Variants in CR2 observed in about 807,000 individuals in gnomAD.
The protein encoded by CR2 is complement receptor type 2.
A neutral mutation model predicts 123.0 loss-of-function variants in CR2; 96 were observed. The ratio of observed to expected loss-of-function variants is 0.78; its 90% confidence interval spans 0.66 to 0.93. The LOEUF (loss-of-function observed/expected upper bound fraction) is 0.93. Among genes scored for constraint, CR2 ranks in the 40% least tolerant of loss-of-function variants. The pLI is 0.00. For synonymous variants in CR2, 484 were observed against 469.5 expected, an observed-to-expected ratio of 1.03 and a Z score of -0.40; for missense variants, 1,258 against 1,361.0, an observed-to-expected ratio of 0.92 and a Z score of 1.19.
Position 207,469,147 on chromosome 1 carries a change from C to T in CR2, c.735-3C>T. ...GTTCTGAATGACAACCTTCTGTCTC[C>T]AGGTATCGACTGCAAGGCCCACCTT... On this transcript the variant is annotated splice_polypyrimidine_tract_variant and splice_region_variant and intron_variant, in intron 4 of 19. Transcript: ENST00000367057. 1.2e-6 allele frequency: 2 copies of T among 1,613,522 alleles called. No homozygotes were observed. The highest frequency in any genetic ancestry group is 1.7e-6 in the Non-Finnish European group (2 of 1,179,486).
At chr1:207,487,196 G>A (rs1251823620) in intron 19 of CR2, among the ~76,000 whole-genome samples, 1 of 152,180 alleles carries the variant, frequency 6.6e-6, no homozygotes, top group Non-Finnish European at 1.5e-5. Context: ...AGAATTTTAG[G>A]GAGGAGGGAG....
rs765551048 is a variant in CR2 at position 207,480,053 on chromosome 1, G to A, written c.3188G>A (p.Arg1063His). Residue 1063 changes from arginine (R) to histidine (H), a missense_variant and splice_region_variant, in exon 18 of 20, where the codon CGC becomes CAC. Physicochemically the swap from Arg to His is conservative, Grantham distance 29. Transcript: ENST00000367057. ...TACGTGATATCAAAACACAGAGCACGGTAAGTTCAAAGGCGAATACTTGAT... is the reference window on the plus strand; with the variant it reads ...TACGTGATATCAAAACACAGAGCACAGTAAGTTCAAAGGCGAATACTTGAT... ...TLYVISKHRA[R>H]NYYTDTSQKE... 1.4e-5 allele frequency: 22 copies of A among 1,607,602 alleles called. No homozygotes were observed. The highest frequency in any genetic ancestry group is 2.2e-5 in the East Asian group (1 of 44,830).
intron 14 of CR2, 106 bp downstream of exon 14, chr1:207,475,322 A>G (rs2102307907): frequency 2.4e-6 from 3 of 1,230,534 alleles, no homozygotes; most frequent in Non-Finnish European, 3.4e-6. Context: ...TCTAAGAGCT[A>G]AGGCAGTTAT....
chr1:207,475,231 AG>A lies in CR2; in HGVS notation c.2716+18del, dbSNP rs1344570731. 1 of 1,613,658 alleles carries A rather than the reference AG, an allele frequency of 6.2e-7. No individual in the cohort carries two copies. The highest frequency in any genetic ancestry group is 1.3e-5 in the African/African-American group (1 of 74,914). ...TATCAAAAAAGGTAAGATACTTGGA[AG>A]GGATAAGTTATGGGATGTTGTACAG... On this transcript the variant is annotated intron_variant, in intron 14 of 19. Coordinates refer to ENST00000367057, the MANE Select transcript of CR2 (RefSeq NM_001006658.3).
rs1260586997 is a variant in CR2, at chr1:207,474,278, G to A, written c.2278G>A (p.Asp760Asn). 34 of 1,613,466 alleles carry A rather than the reference G, an allele frequency of 2.1e-5. No homozygotes were observed. In the East Asian group the frequency reaches 7.6e-4, roughly 36 times the overall value. The change falls in exon 13 of 20, where the codon GAT becomes AAT. Residue 760 changes from aspartate (D) to asparagine (N), a missense_variant. By Grantham distance (23) the Asp-to-Asn change is conservative (BLOSUM62 1). Coordinates refer to ENST00000367057, the MANE Select transcript of CR2 (RefSeq NM_001006658.3). ...TGGACATGCTTATCAGATGTGTCAA[G>A]ATGCTGAAAATGGAATTTGGTTCAA... is the stretch of plus-strand genomic sequence containing the variant. ...LTGHAYQMCQDAENGIWFKKI... is the reference protein window; with the variant it reads ...LTGHAYQMCQNAENGIWFKKI...
Position 207,469,775 on chromosome 1 carries a change from A to G in CR2, c.898A>G (p.Ile300Val), listed in dbSNP as rs374076318. The G allele has an allele frequency of 6.1e-5, 98 of 1,614,022 alleles. No individual in the cohort carries two copies. Among genetic ancestry groups the G allele is most frequent in the Admixed American group, 1.0e-4 (6 of 60,002 alleles). ...NSLANVSYGS[I>V]VTYTCDPDPE... is the part of the protein sequence containing the mutation. ...ACTAGCAAATGTCTCATATGGAAGC[A>G]TAGTCACTTACACTTGTGACCCGGA... is the stretch of plus-strand genomic sequence containing the variant. Residue 300 changes from isoleucine to valine, a missense_variant, in exon 6 of 20, where the codon ATA becomes GTA. Physicochemically the swap from Ile to Val is conservative, Grantham distance 29. Transcript: ENST00000367057.
Position 207,474,269 on chromosome 1 carries a change from A to T in CR2, c.2269A>T (p.Met757Leu), listed in dbSNP as rs747757249. The T allele has an allele frequency of 6.2e-7, 1 of 1,613,566 alleles. No individual in the cohort carries two copies. Residue 757 changes from methionine (M) to leucine (L), a missense_variant, in exon 13 of 20, where the codon ATG becomes TTG. By Grantham distance (15) the Met-to-Leu change is conservative. Transcript: ENST00000367057. ...CCAGTTGACTGGACATGCTTATCAG[A>T]TGTGTCAAGATGCTGAAAATGGAAT... ...GYQLTGHAYQ[M>L]CQDAENGIWF...
At chr1:207,481,087 C>T (rs1658590782) in intron 18 of CR2, among the ~76,000 whole-genome samples, 1 of 151,842 alleles carries the variant, frequency 6.6e-6, no homozygotes, top group South Asian at 2.1e-4. Flanking sequence ...AACTATATTA[C>T]TACGTTTCTA....
intron 19 of CR2, among the ~76,000 whole-genome samples, chr1:207,486,187 C>T (rs1486140067): frequency 3.6e-5 from 5 of 139,460 alleles, no homozygotes; most frequent in Non-Finnish European, 6.0e-5. Flanking sequence ...GCCAAGACTG[C>T]GCCACTGTAC....
rs777919823 is a variant in CR2 at position 207,469,941 on chromosome 1, A to T, written c.1064A>T (p.Gln355Leu). Reference sequence around the variant, plus strand: ...TCTGCGGTTCAGTGTCCACATCCCCAGATCCTAAGAGGCCGAATGGTATCT... The same window carrying T: ...TCTGCGGTTCAGTGTCCACATCCCCTGATCCTAAGAGGCCGAATGGTATCT... ...STSAVQCPHP[Q>L]ILRGRMVSGQ... The change falls in exon 6 of 20, where the codon CAG (glutamine) becomes CTG (leucine). Residue 355 changes from glutamine (Q) to leucine (L), a missense_variant. By Grantham distance (113) the Gln-to-Leu change is moderately radical (BLOSUM62 -2). Transcript: ENST00000367057. The T allele has an allele frequency of 6.2e-7, 1 of 1,614,004 alleles. No homozygotes were observed. The highest frequency in any genetic ancestry group is 2.2e-5 in the East Asian group (1 of 44,872).
At chr1:207,459,417 A>C (rs1657914303) in intron 1 of CR2, among the ~76,000 whole-genome samples, 1 of 152,036 alleles carries the variant, frequency 6.6e-6, no homozygotes, top group Non-Finnish European at 1.5e-5. Flanking sequence ...GAAACCCAGT[A>C]TTAAGGTATT....
At chr1:207,471,607 TC>T in intron 9 of CR2, 108 bp downstream of exon 9, 1 of 803,246 alleles carries the variant, frequency 1.2e-6, no homozygotes, top group Non-Finnish European at 2.2e-6. Context: ...TAGATTCTGT[TC>T]TATTGATTCT....
In CR2 at chr1:207,469,698, T is replaced by C; in HGVS notation, c.821T>C (p.Ile274Thr). 6.2e-7 allele frequency: 1 copy of C among 1,613,594 alleles called. No homozygotes were observed. ...TTTCTTTCTGCAATTCCCCTAGAAA[T>C]TTTTTGCCCATCACCTCCCCCTATT... Reference protein sequence around the residue: ...AWTKMPVCEEIFCPSPPPILN... With the variant: ...AWTKMPVCEETFCPSPPPILN... The change falls in exon 6 of 20, where the codon ATT becomes ACT. Residue 274 changes from isoleucine to threonine, a missense_variant. Coordinates refer to ENST00000367057, the MANE Select transcript of CR2 (RefSeq NM_001006658.3).
intron 19 of CR2, among the ~76,000 whole-genome samples, chr1:207,488,363 C>T (rs561792459): frequency 6.6e-6 from 1 of 152,296 alleles, no homozygotes; most frequent in South Asian, 2.1e-4. Flanking sequence ...TGGTGGCTCA[C>T]GTCTGTAAAC....
At chr1:207,474,516 T>A (rs1658380166) in intron 13 of CR2, among the ~76,000 whole-genome samples, 193 bp downstream of exon 13, 1 of 152,198 alleles carries the variant, frequency 6.6e-6, no homozygotes, top group Non-Finnish European at 1.5e-5. Context: ...CTGTTTTTCA[T>A]GCATCTGCTA....
chr1:207,471,897 C>A, intron 9 of CR2: 1 of 290,504 alleles, frequency 3.4e-6, no homozygotes, highest in Non-Finnish European at 6.7e-6. Flanking sequence ...GAAACTCTAG[C>A]CTTTCTTCTG....
At position 207,466,755 on chromosome 1, in the gene CR2, A is replaced by G. The variant is rs1658111431; in HGVS notation, c.288A>G (p.Val96=). 1 of 1,613,824 alleles carries G rather than the reference A, an allele frequency of 6.2e-7. No individual in the cohort carries two copies. The highest frequency in any genetic ancestry group is 1.3e-5 in the African/African-American group (1 of 74,822). ...ATTCTTCTTGCCCTGAGCCCATAGT[A>G]CCAGGAGGATACAAAATTAGAGGCT... is the stretch of plus-strand genomic sequence containing the variant. ...NKYSSCPEPI[V]PGGYKIRGST... The change falls in exon 2 of 20, where the codon GTA becomes GTG. Residue 96 remains valine (V), a synonymous_variant. Transcript: ENST00000367057.
chr1:207,486,779 G>A lies in CR2; in HGVS notation c.*18+1207G>A, dbSNP rs77625332. ...GGAAGAGAGCTGTCAATAATGACACGAGGGCTTTTGCCTAAGCAACTGGAA... is the reference window on the plus strand; with the variant it reads ...GGAAGAGAGCTGTCAATAATGACACAAGGGCTTTTGCCTAAGCAACTGGAA... On this transcript the variant is annotated intron_variant, in intron 19 of 19. Coordinates refer to ENST00000367057, the MANE Select transcript of CR2 (RefSeq NM_001006658.3). Among the ~76,000 whole-genome samples, 948 of 152,308 alleles carry A rather than the reference G, an allele frequency of 6.2e-3. 10 individuals are homozygous for A. The highest frequency in any genetic ancestry group is 0.022 in the African/African-American group (901 of 41,568).
rs1016189585 is a variant in CR2, at chr1:207,454,538, C to T, written c.58+62C>T. On this transcript the variant is annotated intron_variant, in intron 1 of 19. Coordinates refer to ENST00000367057, the MANE Select transcript of CR2 (RefSeq NM_001006658.3). This position sits in a 1 kb window ranked among gnomAD's most constrained non-coding sequence, Gnocchi z 4.3. ...TCCCGGGCAGGGAAAGTTTCTGTGC[C>T]GCGATGCAAAGCAGGGGGCCAAAAG... is the stretch of plus-strand genomic sequence containing the variant. 1.5e-6 allele frequency: 2 copies of T among 1,297,202 alleles called. No homozygotes were observed. Among genetic ancestry groups the T allele is most frequent in the Admixed American group, 2.3e-5 (1 of 43,670 alleles). 80.4% of individuals were successfully genotyped at this position (1,297,202 alleles called of 1,614,324 possible). A position where few individuals can be genotyped will look rare whatever the true frequency, so the allele number is the denominator to read the frequency against.
Sources: allele counts gnomAD v4.1 joint callset (sites outside exome capture counted in the v4.1 genomes callset), GRCh38; gene constraint gnomAD v4.1.1; non-coding constraint Gnocchi (gnomAD v3.1); transcripts MANE v1.5; gene names NCBI Gene and HGNC (gene_info 2026-07-23, HGNC 2026-07-21).